The following ARL15 variants were observed in gnomAD, a reference collection of about 807,000 sequenced individuals.
ARL15 encodes the protein ARF like GTPase 15, also known as ADP-ribosylation factor-like protein 15.
In ARL15, 19 loss-of-function variants were observed where a neutral mutation model predicts 25.2. That is an observed-to-expected ratio of 0.75 (90% CI 0.53 to 1.10). ARL15 has a LOEUF of 1.10. ARL15 is among the 50% of genes least tolerant of loss of function. The pLI is 0.00. For synonymous variants in ARL15, 94 were observed against 86.8 expected (o/e 1.08, Z -0.46); for missense variants, 220 against 246.0 (o/e 0.89, Z 0.71).
chr5:53,931,355 A>G (rs1746190451), intron 4 of ARL15, among the ~76,000 whole-genome samples: 1 of 152,234 alleles, frequency 6.6e-6, no homozygotes. Flanking sequence ...TCAGTTTGTT[A>G]CTGTTTAAAG....
chr5:53,984,423 A>G (rs1748223326), intron 4 of ARL15, among the ~76,000 whole-genome samples: 1 of 151,816 alleles, frequency 6.6e-6, no homozygotes, highest in Non-Finnish European at 1.5e-5. Flanking sequence ...TCAATCTATA[A>G]GCTCTGTTTT....
chr5:54,063,524 C>G (rs1297229499), intron 4 of ARL15, among the ~76,000 whole-genome samples: 2 of 152,178 alleles, frequency 1.3e-5, no homozygotes, highest in African/African-American at 4.8e-5. Flanking sequence ...TCACACAGCA[C>G]AATGGTACAC....
chr5:54,108,841 T>C (rs1752658821), intron 4 of ARL15, among the ~76,000 whole-genome samples: 1 of 151,978 alleles, frequency 6.6e-6, no homozygotes, highest in African/African-American at 2.4e-5. Flanking sequence ...TTAAATACCA[T>C]AGAAACACAC....
intron 4 of ARL15, among the ~76,000 whole-genome samples, chr5:53,907,477 TATATATATA>T (rs1745291891): frequency 3.1e-5 from 1 of 32,428 alleles, no homozygotes; most frequent in African/African-American, 1.3e-4. Flanking sequence ...TATATATATA[TATATATATA>T]TATTTTTTTT....
At chr5:54,195,687 A>G (rs1438259915) in intron 1 of ARL15, among the ~76,000 whole-genome samples, 1 of 152,190 alleles carries the variant, frequency 6.6e-6, no homozygotes, top group Non-Finnish European at 1.5e-5. Flanking sequence ...TCAGTGCTCA[A>G]TCCTTCAACT....
chr5:53,890,664 A>G (rs950588707), intron 4 of ARL15, among the ~76,000 whole-genome samples: 1 of 152,288 alleles, frequency 6.6e-6, no homozygotes, highest in African/African-American at 2.4e-5. Flanking sequence ...GAGATAGGAA[A>G]ACAAAGCCAC....
rs1489763501 is a variant in ARL15, at chr5:54,223,076, C to T, written c.49-51148G>A. ...TGACCTCATGATCCGCCAGCCTCGGCAAGGAGACAAGTTACTTGATAGTCA... is the reference window on the plus strand; with the variant it reads ...TGACCTCATGATCCGCCAGCCTCGGTAAGGAGACAAGTTACTTGATAGTCA... On this transcript the variant is annotated intron_variant, in intron 1 of 4. Transcript: ENST00000504924. Among the ~76,000 whole-genome samples, 3 of 150,124 alleles carry T rather than the reference C, an allele frequency of 2.0e-5. No individual in the cohort carries two copies. The East Asian group carries it at 5.9e-4, about 30-fold the overall frequency.
At position 54,126,957 on chromosome 5, in the gene ARL15, A is replaced by G. The variant is rs186763050; in HGVS notation, c.254-13547T>C. On this transcript the variant is annotated intron_variant, in intron 3 of 4. Transcript: ENST00000504924. ...GCTGGTGTGCTACACCCATTAACTC[A>G]TCATTTAGCATTAGGTATATCTCCT... Among the ~76,000 whole-genome samples, 469 of 152,166 alleles carry G rather than the reference A, an allele frequency of 3.1e-3. 2 individuals are homozygous for G. Among genetic ancestry groups the G allele is most frequent in the Admixed American group, 8.4e-3 (129 of 15,284 alleles).
intron 1 of ARL15, among the ~76,000 whole-genome samples, chr5:54,291,037 C>T (rs908048413): frequency 6.6e-6 from 1 of 152,208 alleles, no homozygotes; most frequent in African/African-American, 2.4e-5. Context: ...AGGCTGACTA[C>T]AGGAGAACGT....
chr5:53,992,120 T>C (rs1748522049), intron 4 of ARL15, among the ~76,000 whole-genome samples: 1 of 152,150 alleles, frequency 6.6e-6, no homozygotes, highest in African/African-American at 2.4e-5. Flanking sequence ...TAGAAAGATA[T>C]GACATCGTCA....
At chr5:53,895,146 T>C (rs1744832784) in intron 4 of ARL15, among the ~76,000 whole-genome samples, 1 of 152,178 alleles carries the variant, frequency 6.6e-6, no homozygotes, top group Admixed American at 6.5e-5. Context: ...TTCTGCTTTG[T>C]CTAGCAGGGA....
rs138349841 is a variant in ARL15, at chr5:54,192,912, C to A, written c.49-20984G>T. ...TATTGGTGATCTTCACAAGCACCAT[C>A]TTACTGGGGTGGTGAAGACAGAAAT... On this transcript the variant is annotated intron_variant, in intron 1 of 4. Transcript: ENST00000504924. Among the ~76,000 whole-genome samples the A allele has an allele frequency of 2.9e-3, 446 of 152,282 alleles. 2 individuals carry two copies. The highest frequency in any genetic ancestry group is 0.01 in the African/African-American group (432 of 41,568).
At chr5:54,002,436 T>C (rs1034353083) in intron 4 of ARL15, among the ~76,000 whole-genome samples, 3 of 152,140 alleles carry the variant, frequency 2.0e-5, no homozygotes, top group Non-Finnish European at 2.9e-5. Flanking sequence ...AGAGTGTCAA[T>C]TGCAACTTTT....
At chr5:54,172,976 T>C (rs1401700993) in intron 1 of ARL15, among the ~76,000 whole-genome samples, 1 of 151,934 alleles carries the variant, frequency 6.6e-6, no homozygotes, top group Non-Finnish European at 1.5e-5. Flanking sequence ...CCCAGCACTT[T>C]GGGACCAGTC....
Position 54,302,674 on chromosome 5 carries a change from A to G in ARL15, c.48+7758T>C, listed in dbSNP as rs1001123013. 1.3e-4 allele frequency among the ~76,000 whole-genome samples: 19 copies of G among 144,516 alleles called. No homozygotes were observed. In the Middle Eastern group the frequency reaches 0.011, roughly 80 times the overall value. The allele number at this position is 144,516 out of a possible 152,430, so 94.8% of individuals were successfully genotyped here. On this transcript the variant is annotated intron_variant, in intron 1 of 4. Coordinates refer to ENST00000504924, the MANE Select transcript of ARL15 (RefSeq NM_019087.3). The stretch of plus-strand genomic sequence containing the variant: ...AATGAAAACGCAAAGCACCTGTTCT[A>G]AAATTAAGATTTTTTTTTTTTTTTT...
intron 4 of ARL15, among the ~76,000 whole-genome samples, chr5:54,093,661 T>C (rs1282189679): frequency 6.9e-6 from 1 of 144,346 alleles, no homozygotes; most frequent in African/African-American, 2.6e-5. Context: ...GGTAATTTAA[T>C]AATTTAAGTA....
intron 4 of ARL15, among the ~76,000 whole-genome samples, chr5:54,076,089 T>C (rs1751592676): frequency 6.6e-6 from 1 of 152,014 alleles, no homozygotes; most frequent in African/African-American, 2.4e-5. Flanking sequence ...CCCAGCACAA[T>C]GCTTGGCAGA....
At chr5:54,057,150 T>A (rs1285294763) in intron 4 of ARL15, among the ~76,000 whole-genome samples, 6 of 152,136 alleles carry the variant, frequency 3.9e-5, no homozygotes, top group Non-Finnish European at 8.8e-5. Flanking sequence ...AGGAACAGCA[T>A]CTTATAAATA....
At chr5:54,003,668 CTATCTATCT>C (rs1748922148) in intron 4 of ARL15, among the ~76,000 whole-genome samples, 1 of 10,914 alleles carries the variant, frequency 9.2e-5, no homozygotes, top group African/African-American at 5.1e-4. Flanking sequence ...TTCTTTCTAT[CTATCTATCT>C]ATCTATCTAT....
Sources: allele counts gnomAD v4.1 joint callset (sites outside exome capture counted in the v4.1 genomes callset), GRCh38; gene constraint gnomAD v4.1.1; transcripts MANE v1.5; gene names NCBI Gene and HGNC (gene_info 2026-07-23, HGNC 2026-07-21).